PACS2: variants seen among roughly 807,000 people sequenced by gnomAD.
The protein encoded by PACS2 is PACS1-like protein.
PACS2 carries 36 observed loss-of-function variants against 113.0 expected under a neutral mutation model. The observed-to-expected ratio is 0.32, with a 90% CI of 0.24 to 0.42. The LOEUF is 0.42. Ranked by LOEUF, PACS2 falls within the 10% of genes least tolerant of loss-of-function variation. The pLI is 1.00. For synonymous variants in PACS2, 589 were observed against 536.1 expected, an observed-to-expected ratio of 1.10 and a Z score of -1.36; for missense variants, 1,015 against 1,239.5, an observed-to-expected ratio of 0.82 and a Z score of 2.72.
chr14:105,342,230 C>CTCTGTGTGTG (rs1491393178), intron 1 of PACS2, among the ~76,000 whole-genome samples: 16 of 140,340 alleles, frequency 1.1e-4, no homozygotes, highest in African/African-American at 4.2e-4. Flanking sequence ...AAGCTGCTGC[C>CTCTGTGTGTG]TGTGTGTGTG....
chr14:105,374,423 T>G (rs1411879273), intron 8 of PACS2, among the ~76,000 whole-genome samples: 2 of 152,198 alleles, frequency 1.3e-5, no homozygotes, highest in Admixed American at 1.3e-4. Flanking sequence ...GATAAGGGGC[T>G]TGAATCCAGA....
In PACS2 at chr14:105,383,708, A is replaced by G. The variant is rs11847920; in HGVS notation, c.1780+195A>G. On this transcript the variant is annotated intron_variant, in intron 16 of 24. Coordinates refer to ENST00000447393, the MANE Select transcript of PACS2 (RefSeq NM_001100913.3). Reference sequence around the variant, plus strand: ...TTGTTTTTAAATGTTTGTTTGATACAGTAACACTTTGTTAATTTTAATTAT... The same window carrying G: ...TTGTTTTTAAATGTTTGTTTGATACGGTAACACTTTGTTAATTTTAATTAT... The G allele has an allele frequency of 0.016, 9,150 of 565,870 alleles. 703 individuals are homozygous for G. Among genetic ancestry groups the G allele is most frequent in the African/African-American group, 0.16 (8,325 of 52,594 alleles). The allele number at this position is 565,870 out of a possible 1,614,324, so 35.1% of individuals were successfully genotyped here. A position where few individuals can be genotyped will look rare whatever the true frequency, so the allele number is the denominator to read the frequency against.
At chr14:105,336,837 C>G (rs1199655563) in intron 1 of PACS2, among the ~76,000 whole-genome samples, 7 of 152,188 alleles carry the variant, frequency 4.6e-5, no homozygotes, top group Non-Finnish European at 8.8e-5. Context: ...GGAAATGAGA[C>G]AGAGTTACCG....
intron 8 of PACS2, among the ~76,000 whole-genome samples, chr14:105,375,923 G>T (rs1471146914): frequency 3.9e-5 from 6 of 152,202 alleles, no homozygotes; most frequent in African/African-American, 1.4e-4. Context: ...CAGAGGAAGT[G>T]AATAAAGGAA....
chr14:105,334,118 C>T (rs1219476135), intron 1 of PACS2, among the ~76,000 whole-genome samples: 1 of 152,198 alleles, frequency 6.6e-6, no homozygotes, highest in Non-Finnish European at 1.5e-5. Context: ...CTGGCTTCCC[C>T]TTGGCGTGAC....
At chr14:105,301,531 CT>C (rs1217901956) in intron 1 of PACS2, among the ~76,000 whole-genome samples, 1 of 152,152 alleles carries the variant, frequency 6.6e-6, no homozygotes, top group African/African-American at 2.4e-5. Flanking sequence ...GGCAGCTGCG[CT>C]GGGGGGCCTG....
At chr14:105,320,808 G>A (rs1162260702) in intron 1 of PACS2, among the ~76,000 whole-genome samples, 5 of 152,328 alleles carry the variant, frequency 3.3e-5, no homozygotes, top group South Asian at 2.1e-4. Context: ...TATAGCTTAT[G>A]TAAAATTGGA....
At chr14:105,380,253 C>A in intron 11 of PACS2, 99 bp downstream of exon 11, 1 of 961,272 alleles carries the variant, frequency 1.0e-6, no homozygotes, top group South Asian at 1.5e-5. Context: ...ACATATAGGT[C>A]CTCATGTCAC....
At chr14:105,371,861 A>G (rs989241243) in intron 8 of PACS2, 5 of 152,258 alleles carry the variant, frequency 3.3e-5, no homozygotes, top group Non-Finnish European at 5.9e-5. Context: ...AGGTGCCAGT[A>G]GACTCGGTGT....
chr14:105,342,660 G>A (rs1473626445), intron 1 of PACS2, among the ~76,000 whole-genome samples: 4 of 151,960 alleles, frequency 2.6e-5, no homozygotes, highest in Non-Finnish European at 4.4e-5. Flanking sequence ...TAGGCCAGGC[G>A]CAGTGGCTCA....
At chr14:105,337,548 A>G (rs1158873085) in intron 1 of PACS2, among the ~76,000 whole-genome samples, 1 of 152,248 alleles carries the variant, frequency 6.6e-6, no homozygotes, top group Non-Finnish European at 1.5e-5. Context: ...TAAGTCCCAA[A>G]GCCAGGGGGA....
chr14:105,385,164 C>T (rs1428880254), intron 18 of PACS2, among the ~76,000 whole-genome samples, 177 bp downstream of exon 18: 7 of 152,214 alleles, frequency 4.6e-5, no homozygotes, highest in African/African-American at 1.2e-4. Context: ...GGTGCTTCCC[C>T]GCACCCCAGA....
chr14:105,384,546 C>T (rs1368895686), intron 17 of PACS2, 83 bp downstream of exon 17: 3 of 827,314 alleles, frequency 3.6e-6, no homozygotes, highest in East Asian at 2.6e-5. Flanking sequence ...CCAGGAGGCC[C>T]TGCACCTGCT....
At position 105,348,648 on chromosome 14, in the gene PACS2, G is replaced by A. The variant is rs1290441914; in HGVS notation, c.207+68G>A. 10 of 1,149,434 alleles carry A rather than the reference G, an allele frequency of 8.7e-6. No homozygotes were observed. Among genetic ancestry groups the A allele is most frequent in the Non-Finnish European group, 1.3e-5 (10 of 765,844 alleles). The allele number at this position is 1,149,434 out of a possible 1,614,324, so 71.2% of individuals were successfully genotyped here. A position where few individuals can be genotyped will look rare whatever the true frequency, so the allele number is the denominator to read the frequency against. ...GGCTTTCCATGTGCCTGGGAGACGA[G>A]TCAGGCGGTGCGCTACTGTGGGGCC... is the stretch of plus-strand genomic sequence containing the variant. On this transcript the variant is annotated intron_variant, in intron 2 of 24. Coordinates refer to ENST00000447393, the MANE Select transcript of PACS2 (RefSeq NM_001100913.3). The surrounding 1 kb of genome is among the most constrained non-coding windows in gnomAD (Gnocchi z 6.4).
Position 105,368,006 on chromosome 14 carries a change from G to A in PACS2, c.587-68G>A, listed in dbSNP as rs1595717592. 3.0e-6 allele frequency: 3 copies of A among 989,662 alleles called. No individual in the cohort carries two copies. The Admixed American group carries it at 5.2e-5, about 17-fold the overall frequency. 61.3% of individuals were successfully genotyped at this position (989,662 alleles called of 1,614,324 possible). ...CACTCTGTGTCCAGGGAAGCCTGGGGGTGGTCACTGCCTGGTTTCCCGGGT... is the reference window on the plus strand; with the variant it reads ...CACTCTGTGTCCAGGGAAGCCTGGGAGTGGTCACTGCCTGGTTTCCCGGGT... On this transcript the variant is annotated intron_variant, in intron 5 of 24. Transcript: ENST00000447393.
intron 1 of PACS2, among the ~76,000 whole-genome samples, chr14:105,343,413 A>G (rs782299431): frequency 1.3e-5 from 2 of 152,198 alleles, no homozygotes; most frequent in African/African-American, 2.4e-5. Flanking sequence ...CTGTATGTTT[A>G]ACTTTGTAAG....
chr14:105,324,471 C>T lies in PACS2; in HGVS notation c.119+9434C>T, dbSNP rs1465503105. The stretch of plus-strand genomic sequence containing the variant: ...CTCCCGCTGAGGGCAGCCCTGAGGC[C>T]TGTGAGCTGCTGGCCCCGCAGGGTG... On this transcript the variant is annotated intron_variant, in intron 1 of 24. Transcript: ENST00000447393. This position sits in a 1 kb window ranked among gnomAD's most constrained non-coding sequence, Gnocchi z 4.7. 6.6e-6 allele frequency among the ~76,000 whole-genome samples: 1 copy of T among 152,208 alleles called. No homozygotes were observed. The highest frequency in any genetic ancestry group is 1.5e-5 in the Non-Finnish European group (1 of 68,020).
chr14:105,371,581 A>G (rs1433058689), intron 8 of PACS2: 3 of 151,528 alleles, frequency 2.0e-5, no homozygotes, highest in Non-Finnish European at 4.4e-5. Flanking sequence ...TCCACCCATC[A>G]CTCCCTTTCC....
chr14:105,355,911 T>C lies in PACS2; in HGVS notation c.423+734T>C, dbSNP rs1373864841. 6.6e-6 allele frequency among the ~76,000 whole-genome samples: 1 copy of C among 152,128 alleles called. No homozygotes were observed. The highest frequency in any genetic ancestry group is 1.5e-5 in the Non-Finnish European group (1 of 68,002). The stretch of plus-strand genomic sequence containing the variant: ...CAGCCCAGGGCCCCAGACCAGTTTG[T>C]CTCTTTTGCTTCAGAACTTTCCCCA... On this transcript the variant is annotated intron_variant, in intron 4 of 24. Coordinates refer to ENST00000447393, the MANE Select transcript of PACS2 (RefSeq NM_001100913.3). The surrounding 1 kb of genome is among the most constrained non-coding windows in gnomAD (Gnocchi z 4.1).
Sources: allele counts gnomAD v4.1 joint callset (sites outside exome capture counted in the v4.1 genomes callset), GRCh38; gene constraint gnomAD v4.1.1; non-coding constraint Gnocchi (gnomAD v3.1); transcripts MANE v1.5; gene names NCBI Gene and HGNC (gene_info 2026-07-23, HGNC 2026-07-21).